Variants in UNC13B observed in about 807,000 individuals in gnomAD.
UNC13B encodes the protein unc-13 homolog B, also known as protein unc-13 homolog B.
In UNC13B, 144 loss-of-function variants were observed where a neutral mutation model predicts 211.0. The ratio of observed to expected loss-of-function variants is 0.68; its 90% CI spans 0.60 to 0.78. The LOEUF (loss-of-function observed/expected upper bound fraction) is 0.78. UNC13B is among the 30% of genes least tolerant of loss of function. The pLI is 0.00. For synonymous variants in UNC13B, 709 were observed against 725.8 expected (o/e 0.98, Z 0.37); for missense variants, 1,777 against 2,002.0 (o/e 0.89, Z 2.14).
intron 6 of UNC13B, among the ~76,000 whole-genome samples, chr9:35,251,225 A>G (rs2131591510): frequency 6.6e-6 from 1 of 152,004 alleles, no homozygotes; most frequent in African/African-American, 2.4e-5. Context: ...CGGCCTCCCA[A>G]AGTGCTGGGA....
At chr9:35,322,982 T>C (rs1830816161) in intron 11 of UNC13B, among the ~76,000 whole-genome samples, 1 of 151,702 alleles carries the variant, frequency 6.6e-6, no homozygotes, top group African/African-American at 2.4e-5. Flanking sequence ...ATGTAAAATA[T>C]AAAATTGAAA....
chr9:35,384,066 T>TA (rs1835024101), intron 21 of UNC13B, among the ~76,000 whole-genome samples, 180 bp from the exon 22 acceptor site: 1 of 152,178 alleles, frequency 6.6e-6, no homozygotes, highest in African/African-American at 2.4e-5. Flanking sequence ...AACAGGGACT[T>TA]TCTATCTCAT....
intron 17 of UNC13B, among the ~76,000 whole-genome samples, chr9:35,378,941 T>C (rs189875329): frequency 6.6e-6 from 1 of 152,292 alleles, no homozygotes; most frequent in East Asian, 1.9e-4. Context: ...CTGCCTCAGC[T>C]TCTACACTCA....
rs147849749 is a variant in UNC13B at position 35,384,353 on chromosome 9, C to T, written c.10875+39C>T. ...CGGCTGTGGGCAGGATAATAGATAT[C>T]AAGCACGGTCCCAGAGAGACTGTAG... On this transcript the variant is annotated intron_variant, in intron 22 of 39. Transcript: ENST00000635942. The T allele has an allele frequency of 1.8e-3, 2,846 of 1,608,724 alleles. 45 individuals carry two copies. The African/African-American group carries it at 0.034, about 19-fold the overall frequency.
intron 1 of UNC13B, among the ~76,000 whole-genome samples, chr9:35,200,833 C>G (rs1410333124): frequency 6.6e-6 from 1 of 152,344 alleles, no homozygotes; most frequent in South Asian, 2.1e-4. Flanking sequence ...TTATTTCTTT[C>G]TCTTGCCTGA....
Position 35,243,375 on chromosome 9 carries a change from C to G in UNC13B, c.468+11C>G. ...GGAGCTGACAATGAGGTAGGAGCAG[C>G]CTTATTTGCAGTATAGAGAGATGGG... On this transcript the variant is annotated intron_variant, in intron 6 of 39. Transcript: ENST00000635942. 1.2e-6 allele frequency: 2 copies of G among 1,613,154 alleles called. No individual in the cohort carries two copies. Among genetic ancestry groups the G allele is most frequent in the African/African-American group, 1.3e-5 (1 of 74,966 alleles).
chr9:35,397,241 T>C lies in UNC13B; in HGVS notation c.11607T>C (p.Phe3869=). The change falls in exon 29 of 40, where the codon TTT becomes TTC. Residue 3869 remains phenylalanine, a synonymous_variant. Transcript: ENST00000635942. ...TCTTCACACAACTCAATCAGAGCTT[T>C]GAGATCATCCGGAAGCTGGAATGCC... ...VDVFTQLNQS[F]EIIRKLECPD... 6.2e-7 allele frequency: 1 copy of C among 1,613,930 alleles called. No homozygotes were observed.
chr9:35,381,667 G>A lies in UNC13B; in HGVS notation c.10603G>A (p.Val3535Met). ...VYFDETAQEI[V>M]DEFAMRYGIE... ...CTTTGATGAGACAGCCCAAGAAATT[G>A]TGGATGAATTTGCCATGCGTTATGG... The change falls in exon 20 of 40, where the codon GTG becomes ATG. Residue 3535 changes from valine (V) to methionine (M), a missense_variant. Physicochemically the swap from Val to Met is conservative, Grantham distance 21. Coordinates refer to ENST00000635942, the MANE Select transcript of UNC13B (RefSeq NM_001371189.2). 1.2e-6 allele frequency: 2 copies of A among 1,614,186 alleles called. No individual in the cohort carries two copies. The highest frequency in any genetic ancestry group is 1.6e-4 in the Middle Eastern group (1 of 6,062).
chr9:35,358,987 A>G (rs989756776), intron 11 of UNC13B, among the ~76,000 whole-genome samples: 1 of 151,978 alleles, frequency 6.6e-6, no homozygotes, highest in African/African-American at 2.4e-5. Flanking sequence ...GGCTTGAGCC[A>G]CCACGCCCAG....
chr9:35,368,721 G>GTTTTTT (rs34611015), intron 12 of UNC13B, among the ~76,000 whole-genome samples: 12 of 135,776 alleles, frequency 8.8e-5, no homozygotes, highest in African/African-American at 3.2e-4. Flanking sequence ...GTCAGTATCT[G>GTTTTTT]TTTTTTTTTT....
intron 6 of UNC13B, among the ~76,000 whole-genome samples, chr9:35,244,902 A>G (rs912146043): frequency 2.6e-5 from 4 of 152,164 alleles, no homozygotes; most frequent in Admixed American, 1.3e-4. Flanking sequence ...TACTCTTTTC[A>G]GGGTTTTCCG....
chr9:35,332,906 G>A (rs900831404), intron 11 of UNC13B, among the ~76,000 whole-genome samples: 7 of 152,020 alleles, frequency 4.6e-5, no homozygotes, highest in South Asian at 2.1e-4. Context: ...AATATATTTT[G>A]TATGATTCTT....
chr9:35,396,836 T>A lies in UNC13B; in HGVS notation c.11436-5T>A. 6.2e-7 allele frequency: 1 copy of A among 1,614,142 alleles called. No homozygotes were observed. Among genetic ancestry groups the A allele is most frequent in the Non-Finnish European group, 8.5e-7 (1 of 1,179,982 alleles). On this transcript the variant is annotated splice_region_variant and splice_polypyrimidine_tract_variant and intron_variant, in intron 27 of 39. Coordinates refer to ENST00000635942, the MANE Select transcript of UNC13B (RefSeq NM_001371189.2). ...TAAGCCCCTGTTCTCCTGCTGTGGC[T>A]GCAGGTGGTTTGAGCAGTTCGTGCT...
chr9:35,291,003 G>T, intron 7 of UNC13B: 6 of 1,494,676 alleles, frequency 4.0e-6, no homozygotes, highest in South Asian at 1.2e-5. Context: ...ATGGGGAAAT[G>T]ACTTTTGAAT....
Position 35,231,227 on chromosome 9 carries a change from T to C in UNC13B, c.152+8T>C, listed in dbSNP as rs765392695. 2.0e-5 allele frequency: 32 copies of C among 1,587,130 alleles called. 1 individual carries two copies. In the South Asian group the frequency reaches 2.1e-4, roughly 10 times the overall value. On this transcript the variant is annotated splice_region_variant and intron_variant, in intron 3 of 39. Transcript: ENST00000635942. ...GGAACAGGATTTCATGTTGTAAGTATTTTGCAGCAGCAGTGTGCCTACATA... is the reference window on the plus strand; with the variant it reads ...GGAACAGGATTTCATGTTGTAAGTACTTTGCAGCAGCAGTGTGCCTACATA...
rs1827091165 is a variant in UNC13B at position 35,258,866 on chromosome 9, T to C, written c.469-127T>C. The C allele has an allele frequency of 4.5e-5, 36 of 802,730 alleles. No individual in the cohort carries two copies. In the South Asian group the frequency reaches 6.1e-4, roughly 14 times the overall value. The allele number at this position is 802,730 out of a possible 1,614,324, so 49.7% of individuals were successfully genotyped here. A position where few individuals can be genotyped will look rare whatever the true frequency, so the allele number is the denominator to read the frequency against. On this transcript the variant is annotated intron_variant, in intron 6 of 39. Transcript: ENST00000635942. ...GAGAAAATAGGAGCAGGATGTTCTG[T>C]TTCTGTTCAATAAAAATTTTGTTTC...
intron 33 of UNC13B, 58 bp from the exon 34 acceptor site, chr9:35,399,102 CT>C (rs1836100145): frequency 1.2e-6 from 2 of 1,614,062 alleles, no homozygotes; most frequent in African/African-American, 2.7e-5. Flanking sequence ...AAGGGAGCCC[CT>C]TGGGGAGAGG....
chr9:35,398,435 A>G (rs1214142843), intron 31 of UNC13B, 119 bp from the exon 32 acceptor site: 2 of 1,336,428 alleles, frequency 1.5e-6, no homozygotes, highest in East Asian at 2.3e-5. Context: ...CATTCGGGTA[A>G]GGCCCTGCGA....
intron 6 of UNC13B, among the ~76,000 whole-genome samples, chr9:35,255,027 AATATAAT>A (rs1468218546): frequency 8.8e-6 from 1 of 113,362 alleles, no homozygotes; most frequent in East Asian, 2.1e-4. Context: ...ATGTATATAT[AATATAAT>A]ATATATTATA....
Sources: gnomAD v4.1 joint callset for allele counts (sites outside exome capture counted in the v4.1 genomes callset) on GRCh38, gnomAD v4.1.1 for gene constraint, MANE v1.5 for transcripts, NCBI Gene and HGNC (gene_info 2026-07-23, HGNC 2026-07-21) for gene names.